MBD5: variants seen among roughly 807,000 people sequenced by gnomAD.
MBD5 encodes methyl-CpG binding domain protein 5.
A neutral mutation model predicts 117.3 loss-of-function variants in MBD5; 13 were observed. That is an observed-to-expected ratio of 0.11 (90% confidence interval 0.07 to 0.18). The LOEUF (loss-of-function observed/expected upper bound fraction) is 0.18. MBD5 is among the 10% of genes least tolerant of loss of function. The pLI is 1.00. For missense variants in MBD5, 1,879 were observed against 2,093.8 expected, an observed-to-expected ratio of 0.90 and a Z score of 2.00; for synonymous variants, 727 against 766.4, an observed-to-expected ratio of 0.95 and a Z score of 0.85.
At chr2:148,407,002 A>T (rs182898563) in intron 4 of MBD5, among the ~76,000 whole-genome samples, 6 of 152,266 alleles carry the variant, frequency 3.9e-5, no homozygotes, top group Admixed American at 3.9e-4. Context: ...TTTGATCTGT[A>T]TGCACCATTA....
chr2:148,236,034 AGCGATCTGCCT>A (rs1372894280), intron 3 of MBD5, among the ~76,000 whole-genome samples: 1 of 152,062 alleles, frequency 6.6e-6, no homozygotes, highest in Non-Finnish European at 1.5e-5. Context: ...CCTGGGCTCA[AGCGATCTGCCT>A]GCCTCAGCCT....
At chr2:148,295,064 T>C (rs932827369) in intron 3 of MBD5, among the ~76,000 whole-genome samples, 1 of 152,196 alleles carries the variant, frequency 6.6e-6, no homozygotes, top group African/African-American at 2.4e-5. Context: ...GTTGAGCTTC[T>C]TCAGTAGGTC....
Position 148,217,020 on chromosome 2 carries a change from G to C in MBD5, c.-830-16225G>C, listed in dbSNP as rs555423041. 3.9e-5 allele frequency among the ~76,000 whole-genome samples: 6 copies of C among 152,312 alleles called. No homozygotes were observed. In the South Asian group the frequency reaches 1.2e-3, roughly 32 times the overall value. Reference sequence around the variant, plus strand: ...AAGTAATGTTTATCCAGAAACTGCTGTCATACCATAGATTCATTGTACATT... The same window carrying C: ...AAGTAATGTTTATCCAGAAACTGCTCTCATACCATAGATTCATTGTACATT... On this transcript the variant is annotated intron_variant, in intron 2 of 13. Transcript: ENST00000642680.
chr2:148,162,899 A>G (rs192411741), intron 1 of MBD5, among the ~76,000 whole-genome samples: 122 of 152,364 alleles, frequency 8.0e-4, no homozygotes, highest in African/African-American at 2.9e-3. Context: ...CTAAGACAGT[A>G]AAAACTAATA....
chr2:148,089,340 A>G (rs1204588358), intron 1 of MBD5, among the ~76,000 whole-genome samples: 4 of 152,012 alleles, frequency 2.6e-5, no homozygotes, highest in African/African-American at 9.7e-5. Context: ...CCCTAGAAAA[A>G]ATGGACTTAA....
intron 3 of MBD5, among the ~76,000 whole-genome samples, chr2:148,246,246 G>A (rs528093308): frequency 1.6e-4 from 25 of 152,270 alleles, no homozygotes; most frequent in African/African-American, 5.8e-4. Context: ...TAGTGAGCCA[G>A]AATTCAAATT....
At chr2:148,441,441 T>A (rs561340653) in intron 4 of MBD5, among the ~76,000 whole-genome samples, 1,564 of 152,142 alleles carry the variant, frequency 0.01, 25 homozygotes, top group African/African-American at 0.035. Flanking sequence ...GAACTCATCA[T>A]TTTTTATGGC....
At chr2:148,236,819 GT>G (rs1700101213) in intron 3 of MBD5, among the ~76,000 whole-genome samples, 1 of 152,132 alleles carries the variant, frequency 6.6e-6, no homozygotes, top group South Asian at 2.1e-4. Context: ...AAAATCCCAG[GT>G]GGCATCTTCT....
intron 1 of MBD5, among the ~76,000 whole-genome samples, chr2:148,105,797 T>C (rs1309905043): frequency 1.3e-5 from 2 of 152,158 alleles, no homozygotes; most frequent in Admixed American, 6.5e-5. Context: ...TTCTTTTCCA[T>C]ATGAAGCATT....
Position 148,445,663 on chromosome 2 carries a change from T to G in MBD5, c.-556-12540T>G, listed in dbSNP as rs538514200. On this transcript the variant is annotated intron_variant, in intron 4 of 13. Transcript: ENST00000642680. ...TTGGGTATATACCCAGTAATGGGAT[T>G]GCTGGGTCAAATGGTATTTCTAGTT... Among the ~76,000 whole-genome samples, 24 of 151,510 alleles carry G rather than the reference T, an allele frequency of 1.6e-4. No individual in the cohort carries two copies. The East Asian group carries it at 3.3e-3, about 21-fold the overall frequency.
chr2:148,389,326 A>C (rs1487572538), intron 4 of MBD5, among the ~76,000 whole-genome samples: 1 of 124,670 alleles, frequency 8.0e-6, no homozygotes, highest in Admixed American at 8.6e-5. Flanking sequence ...ATCCAACCCA[A>C]CCCAGCATTG....
At chr2:148,126,530 G>GT (rs1422793319) in intron 1 of MBD5, among the ~76,000 whole-genome samples, 2 of 152,000 alleles carry the variant, frequency 1.3e-5, no homozygotes, top group African/African-American at 4.8e-5. Flanking sequence ...GCTGTATATG[G>GT]TAAGTGTTTT....
At chr2:148,394,655 A>G (rs1364898930) in intron 4 of MBD5, among the ~76,000 whole-genome samples, 2 of 149,294 alleles carry the variant, frequency 1.3e-5, no homozygotes, top group Admixed American at 1.3e-4. Flanking sequence ...AATATTTTCA[A>G]GTAATCAGCT....
intron 1 of MBD5, among the ~76,000 whole-genome samples, chr2:148,126,111 C>A (rs1696882618): frequency 6.6e-6 from 1 of 151,970 alleles, no homozygotes; most frequent in Admixed American, 6.6e-5. Flanking sequence ...GGTTAAGAAG[C>A]AGGCTGGGCG....
intron 12 of MBD5, among the ~76,000 whole-genome samples, chr2:148,506,324 C>A (rs1283456722): frequency 2.0e-5 from 3 of 152,204 alleles, no homozygotes; most frequent in African/African-American, 7.2e-5. Context: ...AGCAAATCTT[C>A]TGTCTATATG....
At chr2:148,116,586 C>T (rs1227478) in intron 1 of MBD5, among the ~76,000 whole-genome samples, 146,698 of 152,290 alleles carry the variant, frequency 0.96, 70,891 homozygotes, top group East Asian at 1. Flanking sequence ...TAGTTCAACT[C>T]TTTTTGGTTG....
intron 11 of MBD5, among the ~76,000 whole-genome samples, chr2:148,499,072 C>G (rs1292017852): frequency 1.3e-5 from 2 of 152,052 alleles, no homozygotes; most frequent in East Asian, 1.9e-4. Context: ...GCAAGCAGAT[C>G]GCTTGAGCCC....
intron 3 of MBD5, among the ~76,000 whole-genome samples, chr2:148,292,552 A>G (rs1014334799): frequency 9.2e-5 from 14 of 152,204 alleles, no homozygotes; most frequent in Admixed American, 2.6e-4. Context: ...ACTTATATCC[A>G]AAAGATAGGT....
At chr2:148,154,657 G>A (rs879062928) in intron 1 of MBD5, among the ~76,000 whole-genome samples, 1 of 152,178 alleles carries the variant, frequency 6.6e-6, no homozygotes, top group Admixed American at 6.5e-5. Context: ...TAAGCTGGTC[G>A]GAAAAGCGCA....
Sources: allele counts gnomAD v4.1 joint callset (sites outside exome capture counted in the v4.1 genomes callset), GRCh38; gene constraint gnomAD v4.1.1; transcripts MANE v1.5; gene names NCBI Gene and HGNC (gene_info 2026-07-23, HGNC 2026-07-21).